PITHD1: variants seen among roughly 807,000 people sequenced by gnomAD.
The protein encoded by PITHD1 is PITH domain-containing protein 1.
A neutral mutation model predicts 27.5 loss-of-function variants in PITHD1; 8 were observed. The observed-to-expected ratio is 0.29, with a 90% CI of 0.17 to 0.52. The LOEUF (loss-of-function observed/expected upper bound fraction) is 0.52, where lower values mean the gene tolerates loss of function less well. Among genes scored for constraint, PITHD1 ranks in the 20% least tolerant of loss-of-function variants. PITHD1 has a pLI of 0.96. For synonymous variants in PITHD1, 118 were observed against 106.8 expected (o/e 1.10, Z -0.64); for missense variants, 233 against 283.9 (o/e 0.82, Z 1.29).
intron 3 of PITHD1, among the ~76,000 whole-genome samples, chr1:23,784,234 C>CTTTTTTTTTT (rs774484769): frequency 5.2e-4 from 42 of 81,454 alleles, no homozygotes; most frequent in Non-Finnish European, 6.2e-4. Context: ...CATTTGCTTT[C>CTTTTTTTTTT]TTTTTTTTTT....
intron 2 of PITHD1, 179 bp from the exon 3 acceptor site, chr1:23,779,685 A>G: frequency 3.1e-6 from 2 of 655,130 alleles, no homozygotes; most frequent in South Asian, 1.8e-5. Flanking sequence ...TGAGAAATTG[A>G]GGTAGATTTC....
At chr1:23,786,228 T>C in intron 4 of PITHD1, 87 bp from the exon 5 acceptor site, 3 of 601,872 alleles carry the variant, frequency 5.0e-6, no homozygotes, top group Non-Finnish European at 6.1e-6. Flanking sequence ...TTTTACAAGC[T>C]GGAGCTGAAT....
At chr1:23,780,015 G>C in intron 3 of PITHD1, 74 bp downstream of exon 3, 1 of 845,410 alleles carries the variant, frequency 1.2e-6, no homozygotes. Flanking sequence ...TTCCAGAATA[G>C]TATCATTTTC....
At position 23,779,416 on chromosome 1, in the gene PITHD1, CCCCCCTCCCCAT is replaced by C; in HGVS notation, c.199-17_199-6del. The C allele has an allele frequency of 1.3e-6, 2 of 1,593,048 alleles. No individual in the cohort carries two copies. The highest frequency in any genetic ancestry group is 1.7e-6 in the Non-Finnish European group (2 of 1,161,168). On this transcript the variant is annotated splice_polypyrimidine_tract_variant and intron_variant, in intron 1 of 5. Transcript: ENST00000246151. ...CAGCAAATATTTGTTGCTTTCTCCT[CCCCCCTCCCCAT>C]CCCCTCCAGTTTGTTGAAAGTGATG...
chr1:23,787,538 G>A lies in PITHD1; in HGVS notation c.*162G>A, dbSNP rs1014187655. 1.9e-5 allele frequency: 10 copies of A among 517,376 alleles called. No homozygotes were observed. The highest frequency in any genetic ancestry group is 3.1e-5 in the Non-Finnish European group (9 of 286,008). The allele number at this position is 517,376 out of a possible 1,614,324, so 32.0% of individuals were successfully genotyped here. A position where few individuals can be genotyped will look rare whatever the true frequency, so the allele number is the denominator to read the frequency against. On this transcript the variant is annotated 3_prime_UTR_variant, in exon 6 of 6. Transcript: ENST00000246151. The stretch of plus-strand genomic sequence containing the variant: ...CAGAAACCTGGCCTACGGAAGATAC[G>A]ACACCACTGGGAGGGTTGTGTAGGT...
At position 23,779,854 on chromosome 1, in the gene PITHD1, A is replaced by T. The variant is rs748025459; in HGVS notation, c.243-10A>T. ...CAGGTTTGACAACCTTCTCTTTTGC[A>T]TTCTGGCAGATTTACGGGCAATGTC... On this transcript the variant is annotated splice_polypyrimidine_tract_variant and intron_variant, in intron 2 of 5. Coordinates refer to ENST00000246151, the MANE Select transcript of PITHD1 (RefSeq NM_020362.5). 6.2e-7 allele frequency: 1 copy of T among 1,610,136 alleles called. No homozygotes were observed. Among genetic ancestry groups the T allele is most frequent in the Non-Finnish European group, 8.5e-7 (1 of 1,176,344 alleles).
Position 23,778,456 on chromosome 1 carries a change from G to T in PITHD1, c.-60G>T. 2.4e-6 allele frequency: 3 copies of T among 1,233,502 alleles called. No homozygotes were observed. The highest frequency in any genetic ancestry group is 3.1e-6 in the Non-Finnish European group (3 of 961,822). The allele number at this position is 1,233,502 out of a possible 1,614,324, so 76.4% of individuals were successfully genotyped here. A position where few individuals can be genotyped will look rare whatever the true frequency, so the allele number is the denominator to read the frequency against. On this transcript the variant is annotated 5_prime_UTR_variant, in exon 1 of 6. Transcript: ENST00000246151. Reference sequence around the variant, plus strand: ...GAACGGCGCGGAGCTGGTCTGAGGCGAGCCGAGCCGAGCGAGCGCGGCGGT... The same window carrying T: ...GAACGGCGCGGAGCTGGTCTGAGGCTAGCCGAGCCGAGCGAGCGCGGCGGT...
At chr1:23,781,308 C>G (rs1304712577) in intron 3 of PITHD1, among the ~76,000 whole-genome samples, 1 of 152,052 alleles carries the variant, frequency 6.6e-6, no homozygotes, top group Non-Finnish European at 1.5e-5. Context: ...ACTAAAAATA[C>G]AAAAATTAGC....
At chr1:23,779,503 A>T (rs545853030) in intron 2 of PITHD1, 22 bp downstream of exon 2, 1 of 1,587,970 alleles carries the variant, frequency 6.3e-7, no homozygotes, top group African/African-American at 1.3e-5. Flanking sequence ...CTTGGTGCCT[A>T]CCTCAGGCTA....
At position 23,778,484 on chromosome 1, in the gene PITHD1, GGC is replaced by G; in HGVS notation, c.-31_-30del. On this transcript the variant is annotated 5_prime_UTR_variant, in exon 1 of 6. Coordinates refer to ENST00000246151, the MANE Select transcript of PITHD1 (RefSeq NM_020362.5). The stretch of plus-strand genomic sequence containing the variant: ...CCGAGCCGAGCGAGCGCGGCGGTGG[GGC>G]CGAGAGGACGCGCAGGTGGCGGCGT... 1 of 1,332,990 alleles carries G rather than the reference GGC, an allele frequency of 7.5e-7. No individual in the cohort carries two copies. Among genetic ancestry groups the G allele is most frequent in the Non-Finnish European group, 9.6e-7 (1 of 1,044,688 alleles). 82.6% of individuals were successfully genotyped at this position (1,332,990 alleles called of 1,614,324 possible).
chr1:23,786,270 GA>G lies in PITHD1; in HGVS notation c.426-43del, dbSNP rs1218339175. The G allele has an allele frequency of 2.3e-5, 20 of 863,116 alleles. No homozygotes were observed. The Admixed American group carries it at 2.7e-4, about 12-fold the overall frequency. The allele number at this position is 863,116 out of a possible 1,614,324, so 53.5% of individuals were successfully genotyped here. ...TTCACATGGTGGTGAGATACTCATT[GA>G]ACTATAATTCATACCTTCTTTCCCT... On this transcript the variant is annotated intron_variant, in intron 4 of 5. Transcript: ENST00000246151.
rs374903979 is a variant in PITHD1 at position 23,787,342 on chromosome 1, A to G, written c.602A>G (p.His201Arg). The G allele has an allele frequency of 3.1e-5, 50 of 1,611,868 alleles. No individual in the cohort carries two copies. The African/African-American group carries it at 4.3e-4, about 14-fold the overall frequency. Reference protein sequence around the residue: ...ASANPADHRVHQVTPQTHFIS With the variant: ...ASANPADHRVRQVTPQTHFIS ...GCCAACCCAGCAGACCATAGGGTCC[A>G]TCAGGTTACCCCACAGACACACTTT... The change falls in exon 6 of 6, where the codon CAT (histidine) becomes CGT (arginine). Residue 201 changes from histidine (H) to arginine (R), a missense_variant. Transcript: ENST00000246151.
In PITHD1 at chr1:23,787,361, A is replaced by G. The variant is rs779380534; in HGVS notation, c.621A>G (p.Thr207=). The stretch of plus-strand genomic sequence containing the variant: ...GGGTCCATCAGGTTACCCCACAGAC[A>G]CACTTTATTTCCTAAGGGCTGGCCA... The part of the protein sequence containing the change: ...DHRVHQVTPQ[T]HFIS Residue 207 remains threonine (T), a synonymous_variant, in exon 6 of 6, where the codon ACA becomes ACG. Coordinates refer to ENST00000246151, the MANE Select transcript of PITHD1 (RefSeq NM_020362.5). The G allele has an allele frequency of 1.9e-6, 3 of 1,601,356 alleles. No homozygotes were observed. Among genetic ancestry groups the G allele is most frequent in the South Asian group, 2.2e-5 (2 of 90,492 alleles).
At position 23,778,716 on chromosome 1, in the gene PITHD1, G is replaced by C. The variant is rs1186039929; in HGVS notation, c.198+3G>C. The C allele has an allele frequency of 7.0e-6, 9 of 1,276,726 alleles. No individual in the cohort carries two copies. The highest frequency in any genetic ancestry group is 1.5e-5 in the African/African-American group (1 of 64,810). 79.1% of individuals were successfully genotyped at this position (1,276,726 alleles called of 1,614,324 possible). A position where few individuals can be genotyped will look rare whatever the true frequency, so the allele number is the denominator to read the frequency against. On this transcript the variant is annotated splice_donor_region_variant and intron_variant, in intron 1 of 5. Transcript: ENST00000246151. Reference sequence around the variant, plus strand: ...AGGAGCGGACCGACCGCTCCAAGGTGGGCCGCCTGGGGCTTGGGGCGGGCG... The same window carrying C: ...AGGAGCGGACCGACCGCTCCAAGGTCGGCCGCCTGGGGCTTGGGGCGGGCG...
chr1:23,783,379 GTGTATATATA>G (rs1557467164), intron 3 of PITHD1, among the ~76,000 whole-genome samples: 1 of 126,488 alleles, frequency 7.9e-6, no homozygotes. Context: ...ACACATATAT[GTGTATATATA>G]CATATATACG....
At chr1:23,785,408 A>G (rs566618108) in intron 3 of PITHD1, 154 of 254,180 alleles carry the variant, frequency 6.1e-4, no homozygotes, top group Non-Finnish European at 8.1e-4. Context: ...CATGAGAGTC[A>G]CTTGAACCTG....
chr1:23,779,124 G>A (rs1219981490), intron 1 of PITHD1, among the ~76,000 whole-genome samples: 1 of 152,148 alleles, frequency 6.6e-6, no homozygotes, highest in Non-Finnish European at 1.5e-5. Context: ...TTTGCTATCT[G>A]TTTGAAAGCA....
intron 3 of PITHD1, among the ~76,000 whole-genome samples, chr1:23,782,490 G>A (rs1032458718): frequency 5.9e-5 from 9 of 152,076 alleles, no homozygotes; most frequent in Non-Finnish European, 1.3e-4. Context: ...GCACTTTGGG[G>A]AGGCCGAGGC....
In PITHD1 at chr1:23,783,466, T is replaced by C. The variant is rs150387735; in HGVS notation, c.321-2209T>C. 1.7e-3 allele frequency among the ~76,000 whole-genome samples: 256 copies of C among 150,740 alleles called. 1 individual carries two copies. The highest frequency in any genetic ancestry group is 2.9e-3 in the Non-Finnish European group (197 of 67,694). ...GTGTGTGTGTGTGTATTTTTTGTTT[T>C]TTTAAGACGGCGTTCTGCTCTGTTG... On this transcript the variant is annotated intron_variant, in intron 3 of 5. Transcript: ENST00000246151.
Sources: allele counts gnomAD v4.1 joint callset (sites outside exome capture counted in the v4.1 genomes callset), GRCh38; gene constraint gnomAD v4.1.1; transcripts MANE v1.5; gene names NCBI Gene and HGNC (gene_info 2026-07-23, HGNC 2026-07-21).